NRG3: variants seen among roughly 807,000 people sequenced by gnomAD.
The protein encoded by NRG3 is neuregulin 3, also known as pro-neuregulin-3, membrane-bound isoform.
In NRG3, 31 loss-of-function variants were observed where a neutral mutation model predicts 66.9. That is an observed-to-expected ratio of 0.46 (90% CI 0.35 to 0.63). The LOEUF (loss-of-function observed/expected upper bound fraction) is 0.63, where lower values mean the gene tolerates loss of function less well. NRG3 is among the 20% of genes least tolerant of loss of function. NRG3 has a pLI of 0.00. For missense variants in NRG3, 910 were observed against 878.9 expected (o/e 1.04, Z -0.45); for synonymous variants, 393 against 359.4 (o/e 1.09, Z -1.06).
chr10:82,024,564 CAAAACT>C (rs1383238514), intron 1 of NRG3, among the ~76,000 whole-genome samples: 1 of 151,922 alleles, frequency 6.6e-6, no homozygotes, highest in African/African-American at 2.4e-5. Flanking sequence ...ACTGTTGTCA[CAAAACT>C]TATGTATAAG....
intron 4 of NRG3, among the ~76,000 whole-genome samples, chr10:82,893,238 A>G (rs1312534455): frequency 6.6e-6 from 1 of 152,208 alleles, no homozygotes; most frequent in Non-Finnish European, 1.5e-5. Context: ...CAAAGAGTTG[A>G]TATTTTGCAC....
intron 1 of NRG3, among the ~76,000 whole-genome samples, chr10:81,931,782 C>G (rs1198980585): frequency 2.0e-5 from 3 of 152,196 alleles, no homozygotes; most frequent in Non-Finnish European, 2.9e-5. Flanking sequence ...GGAAGATACT[C>G]ACTCCCATTC....
intron 1 of NRG3, among the ~76,000 whole-genome samples, chr10:82,035,493 A>G (rs1008247749): frequency 7.9e-5 from 12 of 152,260 alleles, no homozygotes; most frequent in African/African-American, 2.4e-4. Flanking sequence ...TTGCTATGAT[A>G]AACTGTAGCC....
chr10:82,955,412 G>A (rs1259502781), intron 5 of NRG3, among the ~76,000 whole-genome samples: 1 of 151,842 alleles, frequency 6.6e-6, no homozygotes, highest in Non-Finnish European at 1.5e-5. Context: ...GTCAAGTCTG[G>A]CCAGTGTGGC....
intron 2 of NRG3, among the ~76,000 whole-genome samples, chr10:82,664,411 A>T (rs1198896274): frequency 6.6e-6 from 1 of 152,288 alleles, no homozygotes; most frequent in African/African-American, 2.4e-5. Flanking sequence ...TCAGTGGTAG[A>T]TTAGTAACAA....
chr10:82,256,619 C>A (rs1387804836), intron 1 of NRG3, among the ~76,000 whole-genome samples: 1 of 152,146 alleles, frequency 6.6e-6, no homozygotes, highest in East Asian at 1.9e-4. Context: ...TGTGGGATAA[C>A]TATGGGAATA....
intron 1 of NRG3, among the ~76,000 whole-genome samples, chr10:81,943,370 A>T (rs538565092): frequency 6.6e-6 from 1 of 152,136 alleles, no homozygotes. Flanking sequence ...TACTCTTAAA[A>T]AATAATAATA....
At chr10:82,235,520 G>C (rs1209084951) in intron 1 of NRG3, among the ~76,000 whole-genome samples, 2 of 151,918 alleles carry the variant, frequency 1.3e-5, no homozygotes, top group Non-Finnish European at 2.9e-5. Context: ...TTACTTAATC[G>C]ATAAAGAAAG....
chr10:82,198,640 A>AC (rs933347249), intron 1 of NRG3, among the ~76,000 whole-genome samples: 3 of 151,900 alleles, frequency 2.0e-5, no homozygotes, highest in East Asian at 1.9e-4. Context: ...TCATTCATTC[A>AC]CCCCCTCTTC....
chr10:82,043,772 T>A (rs139460727), intron 1 of NRG3, among the ~76,000 whole-genome samples: 93 of 152,134 alleles, frequency 6.1e-4, no homozygotes, highest in African/African-American at 2.2e-3. Context: ...AACTGCAACT[T>A]TAAGTCATAC....
chr10:82,315,946 C>A (rs969885276), intron 1 of NRG3, among the ~76,000 whole-genome samples: 1 of 151,932 alleles, frequency 6.6e-6, no homozygotes, highest in Admixed American at 6.6e-5. Flanking sequence ...TGCGCCCGGC[C>A]CATATATGTG....
At chr10:82,690,027 G>A (rs1348111136) in intron 2 of NRG3, among the ~76,000 whole-genome samples, 1 of 152,018 alleles carries the variant, frequency 6.6e-6, no homozygotes, top group Admixed American at 6.6e-5. Context: ...TTGCCTTGTT[G>A]ATTCTTTCCT....
Position 82,369,237 on chromosome 10 carries a change from T to C in NRG3, c.953+10369T>C. Among the ~76,000 whole-genome samples the C allele has an allele frequency of 1.4e-5, 2 of 138,898 alleles. 1 individual carries two copies. The highest frequency in any genetic ancestry group is 3.0e-5 in the Non-Finnish European group (2 of 67,596). 91.1% of individuals were successfully genotyped at this position (138,898 alleles called of 152,430 possible). ...CCTCCCCACTAAACTCTCTCCTTTA[T>C]TGTCCCAGTGGTTCAGGAATTCAAA... On this transcript the variant is annotated intron_variant, in intron 2 of 8. Coordinates refer to ENST00000372141, the MANE Select transcript of NRG3 (RefSeq NM_001010848.4).
intron 2 of NRG3, among the ~76,000 whole-genome samples, chr10:82,600,696 C>T (rs1028544535): frequency 1.3e-5 from 2 of 152,196 alleles, no homozygotes; most frequent in African/African-American, 4.8e-5. Context: ...TCTCGAACTC[C>T]TGACCTCGTG....
At chr10:82,963,099 A>C (rs1203333687) in intron 6 of NRG3, among the ~76,000 whole-genome samples, 1 of 152,150 alleles carries the variant, frequency 6.6e-6, no homozygotes, top group Non-Finnish European at 1.5e-5. Context: ...CATTAAATCA[A>C]AGTACTATCA....
chr10:82,176,865 C>T (rs577688574), intron 1 of NRG3, among the ~76,000 whole-genome samples: 6 of 130,192 alleles, frequency 4.6e-5, no homozygotes, highest in African/African-American at 1.7e-4. Flanking sequence ...CACAAAGCCT[C>T]GATTTTTAAA....
intron 2 of NRG3, among the ~76,000 whole-genome samples, chr10:82,716,294 G>A (rs143689223): frequency 8.6e-4 from 131 of 152,212 alleles, no homozygotes; most frequent in African/African-American, 2.9e-3. Context: ...GTATACACAC[G>A]TATAACATAC....
At chr10:82,390,272 C>G (rs918517482) in intron 2 of NRG3, among the ~76,000 whole-genome samples, 7 of 151,984 alleles carry the variant, frequency 4.6e-5, no homozygotes, top group Non-Finnish European at 8.8e-5. Flanking sequence ...TATGTCACTG[C>G]TTAGGTGATA....
chr10:82,319,722 C>G (rs2081468880), intron 1 of NRG3, among the ~76,000 whole-genome samples: 1 of 152,158 alleles, frequency 6.6e-6, no homozygotes, highest in Admixed American at 6.5e-5. Flanking sequence ...CTGCAGCCCA[C>G]CTGCCTGGAG....
Sources: allele counts gnomAD v4.1 joint callset (sites outside exome capture counted in the v4.1 genomes callset), GRCh38; gene constraint gnomAD v4.1.1; transcripts MANE v1.5; gene names NCBI Gene and HGNC (gene_info 2026-07-23, HGNC 2026-07-21).